Variants in ABCA13 observed in about 807,000 individuals in gnomAD.
The protein encoded by ABCA13 is ATP-binding cassette sub-family A member 13.
In ABCA13, 476 loss-of-function variants were observed where a neutral mutation model predicts 478.7. That is an observed-to-expected ratio of 0.99 (90% confidence interval 0.92 to 1.07). ABCA13 has a LOEUF of 1.07. Ranked by LOEUF, ABCA13 falls within the 50% of genes least tolerant of loss-of-function variation. ABCA13 has a pLI of 0.00. For missense variants in ABCA13, 6,060 were observed against 5,910.6 expected (o/e 1.03, Z -0.83); for synonymous variants, 2,252 against 2,158.9 (o/e 1.04, Z -1.20).
Position 48,374,375 on chromosome 7 carries a change from A to C in ABCA13, c.11162A>C (p.Gln3721Pro). Residue 3721 changes from glutamine (Q) to proline (P), a missense_variant, in exon 34 of 62, where the codon CAA becomes CCA. Gln to Pro is a moderately conservative substitution (Grantham distance 76, BLOSUM62 -1). Around this residue, in one of 3 missense-constraint regions of ABCA13, gnomAD observed 4,423 missense variants for 4,309.1 expected, o/e 1.03. Transcript: ENST00000435803. ...LCLLSTTAFG[Q>P]GVFFITFLEG... is the part of the protein sequence containing the mutation. Reference sequence around the variant, plus strand: ...CTTCTTTCGACAACCGCCTTTGGACAAGGGGTATTTTTTATTACATTCCTG... The same window carrying C: ...CTTCTTTCGACAACCGCCTTTGGACCAGGGGTATTTTTTATTACATTCCTG... 2 of 1,610,832 alleles carry C rather than the reference A, an allele frequency of 1.2e-6. No homozygotes were observed. The highest frequency in any genetic ancestry group is 1.7e-6 in the Non-Finnish European group (2 of 1,178,746).
At chr7:48,268,209 T>G (rs1414932594) in intron 15 of ABCA13, among the ~76,000 whole-genome samples, 5 of 152,050 alleles carry the variant, frequency 3.3e-5, no homozygotes, top group African/African-American at 1.2e-4. Flanking sequence ...CAGGCAGGAG[T>G]GCAGTGGCGT....
chr7:48,411,282 C>T (rs1819173160), intron 40 of ABCA13, among the ~76,000 whole-genome samples: 1 of 61,214 alleles, frequency 1.6e-5, no homozygotes, highest in Admixed American at 1.9e-4. Flanking sequence ...CCTCCCTCCT[C>T]CTTCCTTCCT....
chr7:48,246,600 CT>C (rs10712726), intron 13 of ABCA13, among the ~76,000 whole-genome samples: 113,984 of 151,378 alleles, frequency 0.75, 43,695 homozygotes, highest in African/African-American at 0.91. Flanking sequence ...TCAGTATTAC[CT>C]TTTTTTTTTA....
chr7:48,573,001 T>C (rs1391529322), intron 55 of ABCA13, among the ~76,000 whole-genome samples: 3 of 152,152 alleles, frequency 2.0e-5, no homozygotes, highest in Non-Finnish European at 4.4e-5. Context: ...TCCATTTCTA[T>C]GCAGAAATTT....
Position 48,248,408 on chromosome 7 carries a change from T to C in ABCA13, c.1829T>C (p.Phe610Ser). 6.2e-7 allele frequency: 1 copy of C among 1,611,850 alleles called. No individual in the cohort carries two copies. ...GADPSPENDV[F>S]SSDCKHQLVS... ...GATCCCTCTCCTGAGAATGATGTCTTTTCTAGTGACTGTAAGCACCAGCTT... is the reference window on the plus strand; with the variant it reads ...GATCCCTCTCCTGAGAATGATGTCTCTTCTAGTGACTGTAAGCACCAGCTT... The change falls in exon 14 of 62, where the codon TTT becomes TCT. Residue 610 changes from phenylalanine (F) to serine (S), a missense_variant. Phe to Ser is a radical substitution (Grantham distance 155). This residue lies in a region of ABCA13 where 4,423 missense variants were observed against 4,309.1 expected (regional missense o/e 1.03). Transcript: ENST00000435803.
At chr7:48,351,433 C>T (rs1460524218) in intron 30 of ABCA13, among the ~76,000 whole-genome samples, 1 of 152,186 alleles carries the variant, frequency 6.6e-6, no homozygotes, top group African/African-American at 2.4e-5. Flanking sequence ...GCTAGATATT[C>T]CGGATGGAGA....
At chr7:48,351,393 A>G (rs1808967760) in intron 30 of ABCA13, among the ~76,000 whole-genome samples, 1 of 152,222 alleles carries the variant, frequency 6.6e-6, no homozygotes, top group Admixed American at 6.5e-5. Flanking sequence ...GACTAAAACA[A>G]GAGAAGTTTA....
At chr7:48,581,691 T>C (rs1788725828) in intron 56 of ABCA13, among the ~76,000 whole-genome samples, 1 of 152,242 alleles carries the variant, frequency 6.6e-6, no homozygotes, top group African/African-American at 2.4e-5. Context: ...TCTTACAACT[T>C]TGTTTTTCTG....
chr7:48,338,850 A>G (rs1806670459), intron 29 of ABCA13, among the ~76,000 whole-genome samples: 1 of 152,234 alleles, frequency 6.6e-6, no homozygotes, highest in Non-Finnish European at 1.5e-5. Context: ...ACCTATCAGT[A>G]AACATTTATT....
At chr7:48,420,084 T>C (rs1820546820) in intron 41 of ABCA13, among the ~76,000 whole-genome samples, 1 of 152,196 alleles carries the variant, frequency 6.6e-6, no homozygotes, top group African/African-American at 2.4e-5. Context: ...GCATGGCTGT[T>C]GTAGCGCTGA....
At position 48,265,010 on chromosome 7, in the gene ABCA13, A is replaced by G. The variant is rs34488148; in HGVS notation, c.2006-3970A>G. 9.4e-3 allele frequency among the ~76,000 whole-genome samples: 1,427 copies of G among 151,548 alleles called. 10 individuals carry two copies. The highest frequency in any genetic ancestry group is 0.014 in the Non-Finnish European group (931 of 67,550). ...ATTATGATTACTTTTGCATAAGGGG[A>G]CCTAATTACTCCAGCAAAATTTTTT... On this transcript the variant is annotated intron_variant, in intron 15 of 61. Transcript: ENST00000435803.
chr7:48,605,252 T>C (rs1228082179), intron 58 of ABCA13, among the ~76,000 whole-genome samples: 1 of 152,216 alleles, frequency 6.6e-6, no homozygotes, highest in Non-Finnish European at 1.5e-5. Flanking sequence ...TTGTTATGTG[T>C]GAATTTGATC....
At chr7:48,570,960 A>G (rs925083026) in intron 55 of ABCA13, among the ~76,000 whole-genome samples, 6 of 151,678 alleles carry the variant, frequency 4.0e-5, no homozygotes, top group Non-Finnish European at 7.4e-5. Flanking sequence ...TTTTTTTGCT[A>G]TATATATTTT....
At chr7:48,401,615 C>G (rs1817613917) in intron 38 of ABCA13, among the ~76,000 whole-genome samples, 1 of 152,118 alleles carries the variant, frequency 6.6e-6, no homozygotes, top group Non-Finnish European at 1.5e-5. Context: ...GCAACCAGCA[C>G]CTATGATGCT....
chr7:48,387,235 A>C (rs769816173), intron 35 of ABCA13, among the ~76,000 whole-genome samples: 4 of 152,164 alleles, frequency 2.6e-5, no homozygotes, highest in Non-Finnish European at 4.4e-5. Context: ...GGGAAATGTT[A>C]ATAATGAAAT....
Position 48,273,689 on chromosome 7 carries a change from A to T in ABCA13, c.4023A>T (p.Arg1341=). 6.2e-7 allele frequency: 1 copy of T among 1,608,328 alleles called. No individual in the cohort carries two copies. The highest frequency in any genetic ancestry group is 2.2e-5 in the East Asian group (1 of 44,748). ...TTCTTAGAAATGTATCACATGATCGAGATTTGTTTTCCTGTGCTGATATTT... is the reference window on the plus strand; with the variant it reads ...TTCTTAGAAATGTATCACATGATCGTGATTTGTTTTCCTGTGCTGATATTT... ...IVFLRNVSHD[R]DLFSCADIFQ... is the part of the protein sequence containing the mutation. The change falls in exon 17 of 62, where the codon CGA becomes CGT. Residue 1341 remains arginine (R), a synonymous_variant. Coordinates refer to ENST00000435803, the MANE Select transcript of ABCA13 (RefSeq NM_152701.5).
chr7:48,574,236 C>A (rs1206334238), intron 55 of ABCA13, among the ~76,000 whole-genome samples: 1 of 152,042 alleles, frequency 6.6e-6, no homozygotes, highest in Non-Finnish European at 1.5e-5. Flanking sequence ...TTCTCTTTAG[C>A]TTTGATATGG....
At chr7:48,293,195 C>G (rs1016775413) in intron 20 of ABCA13, among the ~76,000 whole-genome samples, 5 of 130,892 alleles carry the variant, frequency 3.8e-5, no homozygotes, top group African/African-American at 1.1e-4. Flanking sequence ...GTCTTCAGCC[C>G]CCCCCCCGCC....
chr7:48,362,721 TG>T (rs931199852), intron 31 of ABCA13, among the ~76,000 whole-genome samples: 4 of 152,046 alleles, frequency 2.6e-5, no homozygotes, highest in South Asian at 4.1e-4. Context: ...TATAAACCCT[TG>T]TTTTTTTATC....
Sources: allele counts gnomAD v4.1 joint callset (sites outside exome capture counted in the v4.1 genomes callset), GRCh38; gene constraint gnomAD v4.1.1; regional missense constraint gnomAD v4.1.1; transcripts MANE v1.5; gene names NCBI Gene and HGNC (gene_info 2026-07-23, HGNC 2026-07-21).